CSGALNACT1: variants seen among roughly 807,000 people sequenced by gnomAD.
The protein encoded by CSGALNACT1 is beta4GalNAcT-1.
In CSGALNACT1, 52 loss-of-function variants were observed where a neutral mutation model predicts 51.0. The observed-to-expected ratio is 1.02, with a 90% CI of 0.82 to 1.29. The LOEUF is 1.29. Ranked by LOEUF, CSGALNACT1 falls within the 50% of genes most tolerant of loss-of-function variation. The pLI, the probability that CSGALNACT1 is intolerant of heterozygous loss-of-function variation, is 0.00. For missense variants in CSGALNACT1, 935 were observed against 679.2 expected (o/e 1.38, Z -4.19); for synonymous variants, 341 against 254.4 (o/e 1.34, Z -3.24).
intron 1 of CSGALNACT1, among the ~76,000 whole-genome samples, chr8:19,681,273 A>T (rs548110410): frequency 1.7e-4 from 26 of 152,308 alleles, no homozygotes; most frequent in Admixed American, 1.6e-3. Context: ...GTAAGAATGG[A>T]AACAGTAGAA....
chr8:19,712,171 T>G (rs2062548113), intron 1 of CSGALNACT1, among the ~76,000 whole-genome samples: 1 of 152,054 alleles, frequency 6.6e-6, no homozygotes, highest in African/African-American at 2.4e-5. Context: ...GACTACAGGT[T>G]CGCGCCGCCA....
chr8:19,480,226 A>G (rs1201581177), intron 4 of CSGALNACT1, among the ~76,000 whole-genome samples: 2 of 152,190 alleles, frequency 1.3e-5, no homozygotes, highest in Non-Finnish European at 2.9e-5. Flanking sequence ...TATTAAGCCT[A>G]GTACCTATTA....
intron 5 of CSGALNACT1, among the ~76,000 whole-genome samples, chr8:19,446,261 G>A (rs1035455261): frequency 2.6e-5 from 4 of 152,128 alleles, no homozygotes; most frequent in African/African-American, 9.7e-5. Context: ...GGCTTTGCAC[G>A]GTTATTCATA....
At chr8:19,422,817 G>T (rs1477259283) in intron 6 of CSGALNACT1, among the ~76,000 whole-genome samples, 1 of 152,130 alleles carries the variant, frequency 6.6e-6, no homozygotes, top group Non-Finnish European at 1.5e-5. Flanking sequence ...CAGTTTCCAG[G>T]AAAGGTTTAC....
chr8:19,478,515 C>G (rs1455968130), intron 4 of CSGALNACT1, among the ~76,000 whole-genome samples: 2 of 149,740 alleles, frequency 1.3e-5, no homozygotes, highest in Non-Finnish European at 3.0e-5. Flanking sequence ...CCCCAAGAGA[C>G]TAACTAACGT....
chr8:19,587,794 T>A (rs1192585811), intron 3 of CSGALNACT1: 1 of 152,218 alleles, frequency 6.6e-6, no homozygotes, highest in Non-Finnish European at 1.5e-5. Flanking sequence ...TTCTTCTTGT[T>A]TCTCCTTTGG....
intron 1 of CSGALNACT1, among the ~76,000 whole-genome samples, chr8:19,711,014 C>G (rs1193540075): frequency 1.3e-5 from 2 of 152,068 alleles, no homozygotes; most frequent in African/African-American, 2.4e-5. Flanking sequence ...GGTTCATTGC[C>G]CCACCCACCC....
chr8:19,436,488 T>C (rs939599286), intron 6 of CSGALNACT1, among the ~76,000 whole-genome samples: 1 of 152,176 alleles, frequency 6.6e-6, no homozygotes. Flanking sequence ...GTAATGAATA[T>C]TAAATACTAT....
intron 1 of CSGALNACT1, among the ~76,000 whole-genome samples, chr8:19,631,021 A>C (rs567702943): frequency 6.6e-6 from 1 of 152,202 alleles, no homozygotes; most frequent in South Asian, 2.1e-4. Context: ...TGACAATTGT[A>C]TAATGATATG....
chr8:19,733,628 C>T (rs1228816299), intron 1 of CSGALNACT1, among the ~76,000 whole-genome samples: 12 of 151,912 alleles, frequency 7.9e-5, no homozygotes, highest in South Asian at 2.1e-4. Flanking sequence ...ACTCTGTGTG[C>T]CGAGTGGTCT....
chr8:19,488,163 A>T (rs2073448014), intron 4 of CSGALNACT1, among the ~76,000 whole-genome samples: 1 of 151,824 alleles, frequency 6.6e-6, no homozygotes, highest in Non-Finnish European at 1.5e-5. Flanking sequence ...CAGCCTGGCC[A>T]AAATAGTGAA....
At chr8:19,693,472 T>C (rs2061432952) in intron 1 of CSGALNACT1, among the ~76,000 whole-genome samples, 1 of 152,162 alleles carries the variant, frequency 6.6e-6, no homozygotes, top group African/African-American at 2.4e-5. Flanking sequence ...TAAAGATCTT[T>C]GTAACTAAGT....
In CSGALNACT1 at chr8:19,721,671, A is replaced by T. The variant is rs572308829; in HGVS notation, c.-297+36179T>A. On this transcript the variant is annotated intron_variant, in intron 1 of 1. Coordinates refer to the CSGALNACT1 transcript ENST00000517494. ...AAACACAGAATTCTGTCTGTCATGGAAAATGTTAAATTTGAAAAGACCGCC... is the reference window on the plus strand; with the variant it reads ...AAACACAGAATTCTGTCTGTCATGGTAAATGTTAAATTTGAAAAGACCGCC... Among the ~76,000 whole-genome samples the T allele has an allele frequency of 2.1e-3, 316 of 152,350 alleles. 1 individual carries two copies. The highest frequency in any genetic ancestry group is 5.0e-3 in the Admixed American group (76 of 15,308).
At chr8:19,578,272 T>A (rs185660027) in intron 3 of CSGALNACT1, among the ~76,000 whole-genome samples, 1 of 152,218 alleles carries the variant, frequency 6.6e-6, no homozygotes, top group Non-Finnish European at 1.5e-5. Context: ...AGCCCTATTA[T>A]GTGAGCTAGG....
At chr8:19,743,415 C>T (rs1453780635) in intron 1 of CSGALNACT1, among the ~76,000 whole-genome samples, 2 of 152,186 alleles carry the variant, frequency 1.3e-5, no homozygotes, top group African/African-American at 4.8e-5. Flanking sequence ...GGACCATATT[C>T]ATTATGATGA....
At chr8:19,420,445 C>T (rs1473186933) in exon 7 of CSGALNACT1, 1 of 1,614,196 alleles carries the variant, frequency 6.2e-7, no homozygotes, top group East Asian at 2.2e-5. Flanking sequence ...AAGCGGGCTC[C>T]AACATCAAGT....
At chr8:19,429,326 G>C (rs562130597) in intron 6 of CSGALNACT1, among the ~76,000 whole-genome samples, 123 of 152,240 alleles carry the variant, frequency 8.1e-4, no homozygotes, top group Non-Finnish European at 1.5e-3. Context: ...ACAGGTGTGA[G>C]CCACCACACC....
chr8:19,507,158 T>G (rs191267922), intron 3 of CSGALNACT1, among the ~76,000 whole-genome samples: 1 of 152,316 alleles, frequency 6.6e-6, no homozygotes, highest in African/African-American at 2.4e-5. Flanking sequence ...TCTTTGATGC[T>G]GCTTACAGAC....
At chr8:19,754,030 A>G (rs1293565325) in intron 1 of CSGALNACT1, among the ~76,000 whole-genome samples, 2 of 131,470 alleles carry the variant, frequency 1.5e-5, no homozygotes, top group South Asian at 2.5e-4. Flanking sequence ...GTGAGATTCA[A>G]TGTGGCTCCA....
Sources: allele counts gnomAD v4.1 joint callset (sites outside exome capture counted in the v4.1 genomes callset), GRCh38; gene constraint gnomAD v4.1.1; transcripts MANE v1.5; gene names NCBI Gene and HGNC (gene_info 2026-07-23, HGNC 2026-07-21).